The following OSBPL8 variants were observed in gnomAD, a reference collection of about 807,000 sequenced individuals.
OSBPL8 encodes oxysterol-binding protein-related protein 8.
OSBPL8 carries 59 observed loss-of-function variants against 125.5 expected under a neutral mutation model. That is an observed-to-expected ratio of 0.47 (90% CI 0.38 to 0.58). The LOEUF is 0.58. Among genes scored for constraint, OSBPL8 ranks in the 20% least tolerant of loss-of-function variants. The pLI is 0.00. For missense variants in OSBPL8, 758 were observed against 1,047.8 expected (o/e 0.72, Z 3.82); for synonymous variants, 330 against 338.9 (o/e 0.97, Z 0.29).
chr12:76,440,878 G>A (rs892885596), intron 4 of OSBPL8, among the ~76,000 whole-genome samples: 1 of 152,056 alleles, frequency 6.6e-6, no homozygotes, highest in Admixed American at 6.6e-5. Flanking sequence ...ATCACCTCTA[G>A]AGTCCCACTT....
At position 76,504,997 on chromosome 12, in the gene OSBPL8, C is replaced by A. The variant is rs896424982; in HGVS notation, c.-67-17379G>T. Reference sequence around the variant, plus strand: ...TTTCCCACACCCCATGACTGCATTCCCCAACCAATCACAGCATTCCCCATT... The same window carrying A: ...TTTCCCACACCCCATGACTGCATTCACCAACCAATCACAGCATTCCCCATT... On this transcript the variant is annotated intron_variant, in intron 1 of 23. Coordinates refer to ENST00000261183, the MANE Select transcript of OSBPL8 (RefSeq NM_020841.5). Among the ~76,000 whole-genome samples the A allele has an allele frequency of 7.0e-4, 107 of 152,244 alleles. 2 individuals are homozygous for A. Among genetic ancestry groups the A allele is most frequent in the African/African-American group, 2.6e-3 (106 of 41,560 alleles).
At chr12:76,400,028 A>C in intron 6 of OSBPL8, 54 bp from the exon 7 acceptor site, 1 of 1,374,838 alleles carries the variant, frequency 7.3e-7, no homozygotes, top group Non-Finnish European at 9.9e-7. Flanking sequence ...TGAGCAATTT[A>C]TTTTAAGTTC....
chr12:76,414,422 T>C (rs576489132), intron 4 of OSBPL8, among the ~76,000 whole-genome samples: 2 of 150,084 alleles, frequency 1.3e-5, no homozygotes, highest in South Asian at 2.1e-4. Flanking sequence ...TTAATATATA[T>C]ATTTAAGGAA....
intron 1 of OSBPL8, among the ~76,000 whole-genome samples, chr12:76,545,279 T>C (rs115749921): frequency 0.01 from 1,592 of 152,332 alleles, 36 homozygotes; most frequent in African/African-American, 0.037. Context: ...CAGCTAAAAC[T>C]ACCCTGATTC....
At chr12:76,546,836 T>C (rs78600132) in intron 1 of OSBPL8, among the ~76,000 whole-genome samples, 5,446 of 152,280 alleles carry the variant, frequency 0.036, 359 homozygotes, top group African/African-American at 0.12. Flanking sequence ...ATCAGTCCAC[T>C]ACATTAGAAA....
intron 4 of OSBPL8, among the ~76,000 whole-genome samples, chr12:76,447,692 C>T (rs1184367695): frequency 2.0e-5 from 3 of 151,996 alleles, no homozygotes; most frequent in East Asian, 1.9e-4. Context: ...TACAGGTGCC[C>T]GCCACCAAGC....
intron 4 of OSBPL8, among the ~76,000 whole-genome samples, chr12:76,447,462 C>T (rs1310811032): frequency 6.6e-6 from 1 of 152,070 alleles, no homozygotes. Context: ...ATAGAAGATA[C>T]AGAAACAAAT....
At chr12:76,500,674 T>C (rs1159528518) in intron 1 of OSBPL8, among the ~76,000 whole-genome samples, 2 of 152,222 alleles carry the variant, frequency 1.3e-5, no homozygotes, top group Non-Finnish European at 2.9e-5. Flanking sequence ...AGTACAAATC[T>C]TCCTTCAAGG....
intron 18 of OSBPL8, 45 bp from the exon 19 acceptor site, chr12:76,371,629 G>A: frequency 6.8e-7 from 1 of 1,461,130 alleles, no homozygotes; most frequent in Non-Finnish European, 9.1e-7. Flanking sequence ...ATTATACTTA[G>A]AAGGCAATTA....
rs552526725 is a variant in OSBPL8, at chr12:76,375,474, A to G, written c.1730-104T>C. 1.9e-4 allele frequency: 143 copies of G among 744,160 alleles called. 2 individuals carry two copies. The Middle Eastern group carries it at 4.7e-3, about 25-fold the overall frequency. The allele number at this position is 744,160 out of a possible 1,614,324, so 46.1% of individuals were successfully genotyped here. A position where few individuals can be genotyped will look rare whatever the true frequency, so the allele number is the denominator to read the frequency against. On this transcript the variant is annotated intron_variant, in intron 16 of 23. Coordinates refer to ENST00000261183, the MANE Select transcript of OSBPL8 (RefSeq NM_020841.5). ...AATCTTTTAGGAGAAACATAATTCAAAATCACTCTGTCCCACTCAAATGAA... is the reference window on the plus strand; with the variant it reads ...AATCTTTTAGGAGAAACATAATTCAGAATCACTCTGTCCCACTCAAATGAA...
At chr12:76,402,581 T>C (rs893056184) in intron 6 of OSBPL8, 108 bp downstream of exon 6, 3 of 802,188 alleles carry the variant, frequency 3.7e-6, no homozygotes, top group African/African-American at 3.5e-5. Flanking sequence ...CACTGGATGT[T>C]TTTTCTTTCT....
intron 1 of OSBPL8, among the ~76,000 whole-genome samples, chr12:76,527,743 A>T (rs1040887435): frequency 6.6e-6 from 1 of 152,182 alleles, no homozygotes; most frequent in African/African-American, 2.4e-5. Context: ...TGCAATACAG[A>T]AGAGTCCTGA....
intron 21 of OSBPL8, among the ~76,000 whole-genome samples, chr12:76,360,854 C>A (rs1227418491): frequency 1.3e-5 from 2 of 152,208 alleles, no homozygotes; most frequent in Non-Finnish European, 2.9e-5. Context: ...ACGTAGGGCA[C>A]CAAGTCCCTA....
At chr12:76,450,707 C>T in intron 4 of OSBPL8, 144 bp downstream of exon 4, 1 of 768,836 alleles carries the variant, frequency 1.3e-6, no homozygotes, top group East Asian at 2.8e-5. Flanking sequence ...TATAGATGAC[C>T]TAAACAAAAC....
At chr12:76,370,126 T>C (rs1205611655) in intron 19 of OSBPL8, among the ~76,000 whole-genome samples, 1 of 150,448 alleles carries the variant, frequency 6.6e-6, no homozygotes, top group Non-Finnish European at 1.5e-5. Flanking sequence ...TAGGATGTAA[T>C]GAAGGTAAAG....
intron 3 of OSBPL8, among the ~76,000 whole-genome samples, chr12:76,454,076 T>C (rs1873731297): frequency 6.6e-6 from 1 of 152,206 alleles, no homozygotes; most frequent in African/African-American, 2.4e-5. Context: ...CGAGATGTCT[T>C]AAGCACTGTT....
chr12:76,552,497 A>G (rs1950975043), intron 1 of OSBPL8, among the ~76,000 whole-genome samples: 1 of 151,934 alleles, frequency 6.6e-6, no homozygotes, highest in Non-Finnish European at 1.5e-5. Context: ...GTGGGCAATG[A>G]AATGAATCTG....
At chr12:76,510,893 A>ATT (rs570755652) in intron 1 of OSBPL8, among the ~76,000 whole-genome samples, 2 of 103,626 alleles carry the variant, frequency 1.9e-5, no homozygotes, top group South Asian at 5.3e-4. Flanking sequence ...AAAAAAAAAA[A>ATT]AAAAATATAT....
intron 1 of OSBPL8, among the ~76,000 whole-genome samples, chr12:76,508,870 T>C (rs1477162748): frequency 6.6e-6 from 1 of 152,198 alleles, no homozygotes; most frequent in East Asian, 1.9e-4. Flanking sequence ...TCATTAATAA[T>C]CCACCCCCTA....
Sources: gnomAD v4.1 joint callset for allele counts (sites outside exome capture counted in the v4.1 genomes callset) on GRCh38, gnomAD v4.1.1 for gene constraint, MANE v1.5 for transcripts, NCBI Gene and HGNC (gene_info 2026-07-23, HGNC 2026-07-21) for gene names.